Variants in POLN observed in about 807,000 individuals in gnomAD.
POLN encodes DNA polymerase N.
A neutral mutation model predicts 113.5 loss-of-function variants in POLN; 108 were observed. The ratio of observed to expected loss-of-function variants is 0.95; its 90% CI spans 0.81 to 1.12. POLN has a LOEUF of 1.12. Among genes scored for constraint, POLN ranks in the 50% most tolerant of loss-of-function variants. POLN has a pLI of 0.00. For synonymous variants in POLN, 386 were observed against 391.5 expected (o/e 0.99, Z 0.17); for missense variants, 1,097 against 1,077.1 (o/e 1.02, Z -0.26).
intron 20 of POLN, chr4:2,089,536 T>C: frequency 1.6e-6 from 2 of 1,237,720 alleles, no homozygotes; most frequent in Non-Finnish European, 2.3e-6. Context: ...TTTAAAAATG[T>C]AATTCTTGGC....
chr4:2,101,526 G>A (rs1262784509), intron 19 of POLN, among the ~76,000 whole-genome samples: 5 of 152,206 alleles, frequency 3.3e-5, no homozygotes, highest in Admixed American at 2.0e-4. Flanking sequence ...TCCCACTGGG[G>A]GATTGTACAA....
Position 2,236,407 on chromosome 4 carries a change from T to G in POLN, c.-13+5113A>C, listed in dbSNP as rs781730860. 4.3e-6 allele frequency: 7 copies of G among 1,613,484 alleles called. No homozygotes were observed. The African/African-American group carries it at 9.3e-5, about 22-fold the overall frequency. ...GCCACTTCCTCAAGGTTTCCATGAG[T>G]TAGAAACAATTCTTTTTTCTTATTC... is the stretch of plus-strand genomic sequence containing the variant. On this transcript the variant is annotated intron_variant, in intron 2 of 25. Transcript: ENST00000511885.
At chr4:2,225,503 G>A (rs572299294) in intron 3 of POLN, among the ~76,000 whole-genome samples, 4 of 151,388 alleles carry the variant, frequency 2.6e-5, no homozygotes, top group Admixed American at 6.6e-5. Flanking sequence ...GCAGTGAGCC[G>A]AGATCGCACC....
In POLN at chr4:2,110,815, G is replaced by C. The variant is rs572622914; in HGVS notation, c.1983-14882C>G. On this transcript the variant is annotated intron_variant, in intron 19 of 25. Coordinates refer to ENST00000511885, the MANE Select transcript of POLN (RefSeq NM_181808.4). The stretch of plus-strand genomic sequence containing the variant: ...CAGCAGAATTCTATCAGAGGTACAA[G>C]AAGGAGCTGGTACCATTCCTTCTGA... Among the ~76,000 whole-genome samples the C allele has an allele frequency of 4.6e-5, 7 of 152,262 alleles. No individual in the cohort carries two copies. The East Asian group carries it at 1.3e-3, about 29-fold the overall frequency.
At chr4:2,235,757 A>G (rs561068822) in intron 2 of POLN, among the ~76,000 whole-genome samples, 72 of 152,148 alleles carry the variant, frequency 4.7e-4, no homozygotes, top group Non-Finnish European at 7.6e-4. Context: ...ATATATATAT[A>G]TGTGTGTATG....
At chr4:2,096,068 C>A in intron 19 of POLN, 135 bp from the exon 20 acceptor site, 2 of 756,072 alleles carry the variant, frequency 2.6e-6, no homozygotes, top group Admixed American at 4.0e-5. Flanking sequence ...GGCACACTGG[C>A]AGGGGAGACA....
rs1234618005 is a variant in POLN, at chr4:2,073,021, T to C, written c.2464A>G (p.Arg822Gly). 1.2e-6 allele frequency: 2 copies of C among 1,613,328 alleles called. No homozygotes were observed. Among genetic ancestry groups the C allele is most frequent in the African/African-American group, 1.3e-5 (1 of 74,940 alleles). Residue 822 changes from arginine to glycine, a missense_variant, in exon 25 of 26, where the codon AGG becomes GGG. Physicochemically the swap from Arg to Gly is moderately radical, Grantham distance 125. Coordinates refer to ENST00000511885, the MANE Select transcript of POLN (RefSeq NM_181808.4). ...PQIPECAALVRRTMESLEQVQ... is the reference protein window; with the variant it reads ...PQIPECAALVGRTMESLEQVQ... ...TGTTCCAAGGACTCCATGGTCCTCC[T>C]GACGAGAGCTAGAGTGCGGAAGAGA... is the stretch of plus-strand genomic sequence containing the variant.
At chr4:2,226,147 G>T (rs183658970) in intron 3 of POLN, among the ~76,000 whole-genome samples, 1 of 152,134 alleles carries the variant, frequency 6.6e-6, no homozygotes, top group East Asian at 1.9e-4. Context: ...CAGGGTTGGA[G>T]AAGAATCATT....
chr4:2,231,794 A>C lies in POLN; in HGVS notation c.-12-2551T>G, dbSNP rs1019488051. Reference sequence around the variant, plus strand: ...TACTACATGAGAAAAAAGACAAATTAATATAATAGTTCAATTCATCAAATT... The same window carrying C: ...TACTACATGAGAAAAAAGACAAATTCATATAATAGTTCAATTCATCAAATT... On this transcript the variant is annotated intron_variant, in intron 2 of 25. Coordinates refer to ENST00000511885, the MANE Select transcript of POLN (RefSeq NM_181808.4). 15 of 576,152 alleles carry C rather than the reference A, an allele frequency of 2.6e-5. No individual in the cohort carries two copies. In the African/African-American group the frequency reaches 2.8e-4, roughly 11 times the overall value. The allele number at this position is 576,152 out of a possible 1,614,324, so 35.7% of individuals were successfully genotyped here.
At chr4:2,075,160 G>C (rs34577393) in intron 24 of POLN, among the ~76,000 whole-genome samples, 1,673 of 152,316 alleles carry the variant, frequency 0.011, 28 homozygotes, top group African/African-American at 0.036. Flanking sequence ...CTCAGACAAA[G>C]CAGCCTTGGG....
rs375650336 is a variant in POLN, at chr4:2,084,414, C to G, written c.2197+1199G>C. 4.3e-4 allele frequency among the ~76,000 whole-genome samples: 66 copies of G among 152,362 alleles called. No homozygotes were observed. The East Asian group carries it at 0.012, about 28-fold the overall frequency. On this transcript the variant is annotated intron_variant, in intron 21 of 25. Coordinates refer to ENST00000511885, the MANE Select transcript of POLN (RefSeq NM_181808.4). ...TGCTGCGGCTCTGTTCTTCTCAGAC[C>G]TGGACGCCACCTTCCTGTCCTTGTC...
intron 16 of POLN, among the ~76,000 whole-genome samples, chr4:2,151,220 C>T (rs1732287405): frequency 1.3e-5 from 2 of 152,180 alleles, no homozygotes; most frequent in South Asian, 4.1e-4. Flanking sequence ...GAAGGACTCT[C>T]AGCAGTAGTG....
At chr4:2,192,931 T>C (rs1400133992) in intron 7 of POLN, among the ~76,000 whole-genome samples, 1 of 152,108 alleles carries the variant, frequency 6.6e-6, no homozygotes, top group Non-Finnish European at 1.5e-5. Flanking sequence ...AAGCTATTTG[T>C]GGTAACAAGA....
intron 7 of POLN, among the ~76,000 whole-genome samples, chr4:2,187,526 G>A (rs1301400962): frequency 1.3e-5 from 2 of 152,160 alleles, no homozygotes; most frequent in Non-Finnish European, 2.9e-5. Flanking sequence ...TTACAGGCAT[G>A]AGCCACTGCG....
chr4:2,158,052 A>G (rs1157483796), intron 14 of POLN, 141 bp from the exon 15 acceptor site: 8 of 478,028 alleles, frequency 1.7e-5, no homozygotes, highest in African/African-American at 1.6e-4. Context: ...CCTGGGGTCA[A>G]GTGATTCTCT....
At chr4:2,159,072 T>C in intron 14 of POLN, 83 bp downstream of exon 14, 3 of 1,068,472 alleles carry the variant, frequency 2.8e-6, no homozygotes, top group Non-Finnish European at 4.3e-6. Context: ...CTTCAGCCAT[T>C]ATGGATTTGT....
intron 19 of POLN, among the ~76,000 whole-genome samples, chr4:2,108,661 C>A (rs1490494431): frequency 3.3e-5 from 5 of 152,036 alleles, no homozygotes; most frequent in African/African-American, 1.2e-4. Flanking sequence ...GTAATTTTGT[C>A]ACAGTTATTT....
At chr4:2,108,715 C>A (rs1002369546) in intron 19 of POLN, among the ~76,000 whole-genome samples, 1 of 152,048 alleles carries the variant, frequency 6.6e-6, no homozygotes, top group Non-Finnish European at 1.5e-5. Flanking sequence ...TGATTCTTTG[C>A]GTGTTGCTCA....
intron 16 of POLN, among the ~76,000 whole-genome samples, chr4:2,149,095 A>G (rs1561041299): frequency 1.3e-5 from 2 of 152,108 alleles, no homozygotes. Context: ...GGAGTTCAAG[A>G]CTAGCCTGGG....
Sources: gnomAD v4.1 joint callset for allele counts (sites outside exome capture counted in the v4.1 genomes callset) on GRCh38, gnomAD v4.1.1 for gene constraint, MANE v1.5 for transcripts, NCBI Gene and HGNC (gene_info 2026-07-23, HGNC 2026-07-21) for gene names.